Variants in DHX35 observed in about 807,000 individuals in gnomAD.
The protein encoded by DHX35 is probable ATP-dependent RNA helicase DHX35.
DHX35 carries 84 observed loss-of-function variants against 99.6 expected under a neutral mutation model. The ratio of observed to expected loss-of-function variants is 0.84; its 90% CI spans 0.71 to 1.01. The LOEUF (loss-of-function observed/expected upper bound fraction) is 1.01, where lower values mean the gene tolerates loss of function less well. Among genes scored for constraint, DHX35 ranks in the 50% least tolerant of loss-of-function variants. The pLI, the probability that DHX35 is intolerant of heterozygous loss-of-function variation, is 0.00. For synonymous variants in DHX35, 331 were observed against 316.2 expected (o/e 1.05, Z -0.50); for missense variants, 852 against 888.5 (o/e 0.96, Z 0.52).
intron 1 of DHX35, among the ~76,000 whole-genome samples, chr20:38,965,903 T>C (rs1172909129): frequency 6.6e-6 from 1 of 152,238 alleles, no homozygotes; most frequent in Non-Finnish European, 1.5e-5. Context: ...ACCATGTGCA[T>C]GACGAAAACT....
intron 7 of DHX35, among the ~76,000 whole-genome samples, chr20:38,993,905 G>A (rs780175754): frequency 3.3e-5 from 5 of 152,062 alleles, no homozygotes; most frequent in Non-Finnish European, 7.4e-5. Context: ...TAGACTGTGA[G>A]GTTCTTTTGT....
At chr20:38,982,347 A>G (rs889973855) in intron 3 of DHX35, among the ~76,000 whole-genome samples, 2 of 152,248 alleles carry the variant, frequency 1.3e-5, no homozygotes, top group African/African-American at 4.8e-5. Context: ...CTTTAGCCTT[A>G]CAACATACAG....
rs1215912441 is a variant in DHX35, at chr20:39,038,563, C to A, written c.*20C>A. 6.2e-7 allele frequency: 1 copy of A among 1,608,560 alleles called. No homozygotes were observed. The highest frequency in any genetic ancestry group is 2.2e-5 in the East Asian group (1 of 44,812). ...CCGTGAGAGGAGCCCACAGCTACAG[C>A]TGCAGGGACTGCTGGCGTCCTCTCC... On this transcript the variant is annotated 3_prime_UTR_variant, in exon 22 of 22. Coordinates refer to ENST00000252011, the MANE Select transcript of DHX35 (RefSeq NM_021931.4).
intron 16 of DHX35, among the ~76,000 whole-genome samples, chr20:39,023,427 G>A (rs2086903048): frequency 6.6e-6 from 1 of 152,076 alleles, no homozygotes; most frequent in South Asian, 2.1e-4. Flanking sequence ...GGAGCGCAGT[G>A]GTGCAAACAT....
chr20:38,991,533 A>G lies in DHX35; in HGVS notation c.512+18A>G, dbSNP rs1291051052. ...AAATATAGGTAAATGTGTTTTTCTT[A>G]TGATAGCTTTCCTAGTTTCCAAAGT... On this transcript the variant is annotated intron_variant, in intron 6 of 21. Transcript: ENST00000252011. The G allele has an allele frequency of 1.2e-6, 2 of 1,610,408 alleles. No individual in the cohort carries two copies. The highest frequency in any genetic ancestry group is 1.1e-5 in the South Asian group (1 of 90,476).
At position 38,975,788 on chromosome 20, in the gene DHX35, T is replaced by G. The variant is rs576601685; in HGVS notation, c.267+3137T>G. Among the ~76,000 whole-genome samples the G allele has an allele frequency of 4.6e-5, 7 of 152,358 alleles. 1 individual carries two copies. Among genetic ancestry groups the G allele is most frequent in the African/African-American group, 1.7e-4 (7 of 41,580 alleles). ...TGATGGTACTGCTCTTATGAGGCAC[T>G]TGTTGATCTTGTGGTAGATGGCAGA... On this transcript the variant is annotated intron_variant, in intron 3 of 21. Coordinates refer to ENST00000252011, the MANE Select transcript of DHX35 (RefSeq NM_021931.4).
intron 14 of DHX35, among the ~76,000 whole-genome samples, chr20:39,018,326 A>G (rs960298426): frequency 2.0e-5 from 3 of 152,080 alleles, no homozygotes; most frequent in Non-Finnish European, 2.9e-5. Flanking sequence ...GCAGAGAACC[A>G]GGAGAGTTGG....
intron 1 of DHX35, among the ~76,000 whole-genome samples, chr20:38,966,033 C>T (rs1164617516): frequency 6.6e-6 from 1 of 152,190 alleles, no homozygotes; most frequent in Non-Finnish European, 1.5e-5. Context: ...CTGATGCTTT[C>T]TATTCTATTT....
In DHX35 at chr20:38,979,736, A is replaced by G. The variant is rs191920971; in HGVS notation, c.268-3963A>G. ...GGTTTTTCTCTCTTGTTAGATTTATATAGTACCTTTCCTTGGGAAAAAACA... is the reference window on the plus strand; with the variant it reads ...GGTTTTTCTCTCTTGTTAGATTTATGTAGTACCTTTCCTTGGGAAAAAACA... On this transcript the variant is annotated intron_variant, in intron 3 of 21. Coordinates refer to ENST00000252011, the MANE Select transcript of DHX35 (RefSeq NM_021931.4). Among the ~76,000 whole-genome samples, 29 of 152,260 alleles carry G rather than the reference A, an allele frequency of 1.9e-4. No homozygotes were observed. In the East Asian group the frequency reaches 5.0e-3, roughly 26 times the overall value.
rs375756949 is a variant in DHX35 at position 38,992,777 on chromosome 20, T to A, written c.582+352T>A. ...TATTCTCTGAAGATATTATTTTTAATGGCTATTTAATCACATCTCTATCAT... is the reference window on the plus strand; with the variant it reads ...TATTCTCTGAAGATATTATTTTTAAAGGCTATTTAATCACATCTCTATCAT... On this transcript the variant is annotated intron_variant, in intron 7 of 21. Transcript: ENST00000252011. Among the ~76,000 whole-genome samples, 16 of 152,366 alleles carry A rather than the reference T, an allele frequency of 1.1e-4. No individual in the cohort carries two copies. The East Asian group carries it at 2.3e-3, about 22-fold the overall frequency.
At position 39,021,954 on chromosome 20, in the gene DHX35, C is replaced by T. The variant is rs779375421; in HGVS notation, c.1593+19C>T. The T allele has an allele frequency of 6.2e-7, 1 of 1,611,914 alleles. No individual in the cohort carries two copies. Among genetic ancestry groups the T allele is most frequent in the Non-Finnish European group, 8.5e-7 (1 of 1,177,972 alleles). On this transcript the variant is annotated intron_variant, in intron 16 of 21. Coordinates refer to ENST00000252011, the MANE Select transcript of DHX35 (RefSeq NM_021931.4). ...TCACGCAGTAAGTCAGCTCTGTCCC[C>T]AGGCTGTCTGTACCAGTCTCTTTTG...
intron 11 of DHX35, among the ~76,000 whole-genome samples, 183 bp downstream of exon 11, chr20:39,004,090 T>C (rs1212041236): frequency 1.3e-5 from 2 of 151,826 alleles, no homozygotes; most frequent in African/African-American, 4.8e-5. Context: ...TGAGATGGAG[T>C]CTCGCTCTGT....
intron 8 of DHX35, among the ~76,000 whole-genome samples, chr20:38,997,753 A>G (rs2086453640): frequency 6.6e-6 from 1 of 152,000 alleles, no homozygotes; most frequent in South Asian, 2.1e-4. Context: ...ATGGGATGTG[A>G]GTTCGTATGT....
intron 4 of DHX35, among the ~76,000 whole-genome samples, chr20:38,987,072 G>A (rs962552369): frequency 6.6e-6 from 1 of 152,202 alleles, no homozygotes; most frequent in Non-Finnish European, 1.5e-5. Flanking sequence ...CAGGACTTGG[G>A]AACTGCGTGG....
intron 21 of DHX35, among the ~76,000 whole-genome samples, chr20:39,037,883 T>A (rs1234040572): frequency 6.6e-6 from 1 of 152,138 alleles, no homozygotes; most frequent in Admixed American, 6.6e-5. Flanking sequence ...TAGAATATTG[T>A]GCTTCGTGTT....
intron 4 of DHX35, among the ~76,000 whole-genome samples, chr20:38,985,374 CA>C (rs58084339): frequency 0.054 from 3,968 of 73,930 alleles, 107 homozygotes; most frequent in African/African-American, 0.14. Flanking sequence ...ACCCTATCTC[CA>C]AAAAAAAAAA....
intron 3 of DHX35, among the ~76,000 whole-genome samples, chr20:38,979,887 A>T (rs2086145864): frequency 6.6e-6 from 1 of 151,026 alleles, no homozygotes; most frequent in Non-Finnish European, 1.5e-5. Flanking sequence ...GGCTATGAAC[A>T]CAAGCTCTTC....
chr20:38,978,385 C>T (rs2086116015), intron 3 of DHX35: 1 of 701,506 alleles, frequency 1.4e-6, no homozygotes, highest in Admixed American at 1.8e-5. Flanking sequence ...GTTCTGGGGC[C>T]TCACAGGGCT....
At chr20:39,019,015 A>C in intron 15 of DHX35, 116 bp downstream of exon 15, 2 of 839,000 alleles carry the variant, frequency 2.4e-6, no homozygotes, top group South Asian at 1.6e-5. Context: ...GTATATATAT[A>C]TCTGTAACAT....
Sources: allele counts gnomAD v4.1 joint callset (sites outside exome capture counted in the v4.1 genomes callset), GRCh38; gene constraint gnomAD v4.1.1; transcripts MANE v1.5; gene names NCBI Gene and HGNC (gene_info 2026-07-23, HGNC 2026-07-21).